Variants in FRMD4A observed in about 807,000 individuals in gnomAD.
FRMD4A encodes FERM domain containing 4A, also known as FERM domain-containing protein 4A.
FRMD4A carries 29 observed loss-of-function variants against 129.1 expected under a neutral mutation model. That is an observed-to-expected ratio of 0.22 (90% CI 0.17 to 0.31). The LOEUF (loss-of-function observed/expected upper bound fraction) is 0.31, where lower values mean the gene tolerates loss of function less well. Among genes scored for constraint, FRMD4A ranks in the 10% least tolerant of loss-of-function variants. The pLI is 1.00. For missense variants in FRMD4A, 1,272 were observed against 1,375.8 expected, an observed-to-expected ratio of 0.92 and a Z score of 1.19; for synonymous variants, 634 against 571.6, an observed-to-expected ratio of 1.11 and a Z score of -1.56.
chr10:14,281,692 C>G (rs1380556681), intron 2 of FRMD4A, among the ~76,000 whole-genome samples: 1 of 152,250 alleles, frequency 6.6e-6, no homozygotes, highest in Non-Finnish European at 1.5e-5. Flanking sequence ...GAACCTTTTA[C>G]TCTCTCCCAG....
chr10:14,185,708 C>T (rs76254636), intron 2 of FRMD4A, among the ~76,000 whole-genome samples: 6,196 of 152,180 alleles, frequency 0.041, 209 homozygotes, highest in East Asian at 0.14. Context: ...ACAGTGGCAC[C>T]TTCAGTAGTT....
intron 2 of FRMD4A, among the ~76,000 whole-genome samples, chr10:14,041,570 T>G (rs928933643): frequency 2.0e-5 from 3 of 152,192 alleles, no homozygotes; most frequent in Non-Finnish European, 2.9e-5. Flanking sequence ...CCAAAACAGA[T>G]GAGTCCATAT....
At chr10:14,296,663 T>A (rs1397952966) in intron 2 of FRMD4A, among the ~76,000 whole-genome samples, 1 of 152,236 alleles carries the variant, frequency 6.6e-6, no homozygotes, top group Non-Finnish European at 1.5e-5. Context: ...AGGGAATTCA[T>A]GAATTCTTGT....
At position 13,657,667 on chromosome 10, in the gene FRMD4A, C is replaced by A; in HGVS notation, c.2067-145G>T. On this transcript the variant is annotated intron_variant, in intron 21 of 24. Coordinates refer to ENST00000357447, the MANE Select transcript of FRMD4A (RefSeq NM_018027.5). ...CCCAGCAAGCCAGAGTCTCACTCAG[C>A]AGGGCTGCCCCAGGGATCCGGGAAC... 4.2e-6 allele frequency: 5 copies of A among 1,204,122 alleles called. No individual in the cohort carries two copies. The South Asian group carries it at 8.9e-5, about 21-fold the overall frequency. The allele number at this position is 1,204,122 out of a possible 1,614,324, so 74.6% of individuals were successfully genotyped here. A position where few individuals can be genotyped will look rare whatever the true frequency, so the allele number is the denominator to read the frequency against.
intron 2 of FRMD4A, among the ~76,000 whole-genome samples, chr10:13,867,757 TATATAATATA>T (rs1415798264): frequency 8.1e-6 from 1 of 123,262 alleles, no homozygotes; most frequent in African/African-American, 3.4e-5. Flanking sequence ...TAATATATAA[TATATAATATA>T]ATATGATATA....
chr10:13,812,973 C>G (rs1041598225), intron 3 of FRMD4A, among the ~76,000 whole-genome samples: 1 of 152,218 alleles, frequency 6.6e-6, no homozygotes, highest in African/African-American at 2.4e-5. Context: ...CTCAGAAGGT[C>G]GCTGATGAAT....
intron 2 of FRMD4A, among the ~76,000 whole-genome samples, chr10:14,122,592 G>A (rs1374595962): frequency 2.0e-5 from 3 of 148,954 alleles, no homozygotes; most frequent in Admixed American, 6.7e-5. Context: ...GGTAGAGAAG[G>A]AGCAAGTGGG....
At chr10:14,170,773 C>T (rs2131884824) in intron 2 of FRMD4A, among the ~76,000 whole-genome samples, 1 of 152,100 alleles carries the variant, frequency 6.6e-6, no homozygotes, top group South Asian at 2.1e-4. Flanking sequence ...TCCAATCAAG[C>T]CATCTTCCCT....
intron 2 of FRMD4A, among the ~76,000 whole-genome samples, chr10:14,028,572 A>C (rs1833087787): frequency 6.6e-6 from 1 of 152,100 alleles, no homozygotes; most frequent in Admixed American, 6.5e-5. Flanking sequence ...CCAGATATTA[A>C]AAACATTTTG....
At chr10:14,196,781 G>A (rs931812825) in intron 2 of FRMD4A, among the ~76,000 whole-genome samples, 2 of 152,176 alleles carry the variant, frequency 1.3e-5, no homozygotes, top group Non-Finnish European at 1.5e-5. Flanking sequence ...TGTTAACTGT[G>A]ATTGCTTGAA....
At chr10:13,752,376 G>A (rs1283835662) in intron 8 of FRMD4A, among the ~76,000 whole-genome samples, 1 of 152,166 alleles carries the variant, frequency 6.6e-6, no homozygotes, top group African/African-American at 2.4e-5. Flanking sequence ...ACAAAGTGAA[G>A]GGAGCAAAAA....
intron 2 of FRMD4A, among the ~76,000 whole-genome samples, chr10:14,316,508 CAAAAAAAAA>C (rs760301974): frequency 9.1e-6 from 1 of 109,948 alleles, no homozygotes; most frequent in Non-Finnish European, 1.9e-5. Flanking sequence ...GTGATAGCAG[CAAAAAAAAA>C]AAAAAAAAAG....
intron 2 of FRMD4A, among the ~76,000 whole-genome samples, chr10:14,125,269 T>A (rs1209922719): frequency 1.3e-5 from 2 of 152,148 alleles, no homozygotes; most frequent in African/African-American, 4.8e-5. Context: ...ACAAGTAGTG[T>A]CCCCAGCTGC....
intron 2 of FRMD4A, among the ~76,000 whole-genome samples, chr10:14,191,818 T>A (rs1278365386): frequency 2.6e-5 from 4 of 151,212 alleles, no homozygotes; most frequent in Non-Finnish European, 4.4e-5. Context: ...TCTCTCTCTC[T>A]CTCTCTCCTG....
intron 2 of FRMD4A, among the ~76,000 whole-genome samples, chr10:14,319,349 C>CCTCTCTCTCTCT (rs10645584): frequency 2.9e-5 from 4 of 137,380 alleles, no homozygotes; most frequent in Admixed American, 7.3e-5. Context: ...ATCTCTCTCT[C>CCTCTCTCTCTCT]CTCTCTCTCT....
intron 2 of FRMD4A, among the ~76,000 whole-genome samples, chr10:14,182,730 G>C (rs1364403321): frequency 3.9e-5 from 6 of 152,146 alleles, no homozygotes; most frequent in Admixed American, 2.0e-4. Flanking sequence ...CGGGGGCTCT[G>C]CCCTGAGGTT....
chr10:13,711,857 C>G (rs574621016), intron 12 of FRMD4A: 1 of 152,252 alleles, frequency 6.6e-6, no homozygotes, highest in African/African-American at 2.4e-5. Flanking sequence ...AGTGAAGGAA[C>G]CAGAAATAGA....
intron 16 of FRMD4A, among the ~76,000 whole-genome samples, chr10:13,672,748 C>G (rs981483432): frequency 1.3e-4 from 20 of 152,230 alleles, no homozygotes; most frequent in African/African-American, 4.8e-4. Flanking sequence ...CCCCAGGGGT[C>G]AAGCAGCGCG....
intron 6 of FRMD4A, among the ~76,000 whole-genome samples, chr10:13,781,306 T>TA (rs1253732948): frequency 0.078 from 6,190 of 79,256 alleles, 571 homozygotes; most frequent in African/African-American, 0.24. Context: ...TCTTAAAAAT[T>TA]AAAAAAAAAA....
Sources: gnomAD v4.1 joint callset for allele counts (sites outside exome capture counted in the v4.1 genomes callset) on GRCh38, gnomAD v4.1.1 for gene constraint, MANE v1.5 for transcripts, NCBI Gene and HGNC (gene_info 2026-07-23, HGNC 2026-07-21) for gene names.